Variants in STK24 observed in about 807,000 individuals in gnomAD.
STK24 encodes serine/threonine kinase 24.
A neutral mutation model predicts 55.6 loss-of-function variants in STK24; 21 were observed. The observed-to-expected ratio is 0.38, with a 90% CI of 0.27 to 0.54. STK24 has a LOEUF of 0.54. STK24 is among the 20% of genes least tolerant of loss of function. The pLI is 0.79. For missense variants in STK24, 383 were observed against 538.4 expected (o/e 0.71, Z 2.86); for synonymous variants, 200 against 215.2 (o/e 0.93, Z 0.62).
intron 2 of STK24, among the ~76,000 whole-genome samples, chr13:98,491,979 AT>A (rs1199696987): frequency 6.6e-6 from 1 of 151,972 alleles, no homozygotes; most frequent in Non-Finnish European, 1.5e-5. Flanking sequence ...AATTTCAATA[AT>A]TTATTAATAA....
At chr13:98,493,820 G>A (rs1222977297) in intron 2 of STK24, among the ~76,000 whole-genome samples, 2 of 151,174 alleles carry the variant, frequency 1.3e-5, no homozygotes, top group Non-Finnish European at 2.9e-5. Context: ...AAGACTTAAC[G>A]GTATTCTGCA....
intron 1 of STK24, among the ~76,000 whole-genome samples, chr13:98,541,887 G>C (rs909662060): frequency 1.3e-5 from 2 of 152,218 alleles, no homozygotes; most frequent in African/African-American, 4.8e-5. Flanking sequence ...ATGTGGAATA[G>C]AGTGAGCAAT....
intron 1 of STK24, among the ~76,000 whole-genome samples, chr13:98,544,221 G>A (rs1464615070): frequency 2.6e-5 from 4 of 152,200 alleles, no homozygotes; most frequent in African/African-American, 9.7e-5. Flanking sequence ...AGGCTGAGGC[G>A]ACAACTGAGA....
chr13:98,480,270 C>A (rs1180271912), intron 3 of STK24, among the ~76,000 whole-genome samples: 2 of 152,200 alleles, frequency 1.3e-5, no homozygotes, highest in African/African-American at 4.8e-5. Flanking sequence ...ATTATTATAT[C>A]ATTAAATATG....
chr13:98,446,228 G>A lies in STK24; in HGVS notation c.*6945C>T. On this transcript the variant is annotated 3_prime_UTR_variant, in exon 11 of 11. Transcript: ENST00000539966. ...CAGGTAAGTGTCTCGCACAGGGCAG[G>A]TGGCCCTGGGACCTTGGGGGTGGCA... The A allele has an allele frequency of 2.0e-6, 3 of 1,518,934 alleles. No homozygotes were observed. The highest frequency in any genetic ancestry group is 2.7e-6 in the Non-Finnish European group (3 of 1,094,862). The allele number at this position is 1,518,934 out of a possible 1,614,324, so 94.1% of individuals were successfully genotyped here. A position where few individuals can be genotyped will look rare whatever the true frequency, so the allele number is the denominator to read the frequency against.
intron 1 of STK24, among the ~76,000 whole-genome samples, chr13:98,556,265 T>G (rs1047339883): frequency 6.6e-6 from 1 of 152,208 alleles, no homozygotes; most frequent in Non-Finnish European, 1.5e-5. Flanking sequence ...CGCTCAGCAT[T>G]GCCTAAGAAC....
chr13:98,448,282 C>G lies in STK24; in HGVS notation c.*4891G>C, dbSNP rs1892987656. On this transcript the variant is annotated 3_prime_UTR_variant, in exon 11 of 11. Coordinates refer to ENST00000539966, the MANE Select transcript of STK24 (RefSeq NM_001032296.4). ...TGCCACCAGCTCTGCCTCGCGACCCCACGTGTTGAGTCACAAAGAGTCTCT... is the reference window on the plus strand; with the variant it reads ...TGCCACCAGCTCTGCCTCGCGACCCGACGTGTTGAGTCACAAAGAGTCTCT... The G allele has an allele frequency of 6.2e-7, 1 of 1,614,042 alleles. No individual in the cohort carries two copies. Among genetic ancestry groups the G allele is most frequent in the Non-Finnish European group, 8.5e-7 (1 of 1,179,980 alleles).
chr13:98,478,785 G>A (rs1257921765), intron 3 of STK24, among the ~76,000 whole-genome samples: 1 of 151,744 alleles, frequency 6.6e-6, no homozygotes, highest in Non-Finnish European at 1.5e-5. Context: ...TTCCAAGGTT[G>A]TCCCTCGGAT....
At chr13:98,467,108 T>G (rs1429591919) in intron 5 of STK24, among the ~76,000 whole-genome samples, 2 of 151,602 alleles carry the variant, frequency 1.3e-5, no homozygotes, top group Non-Finnish European at 2.9e-5. Flanking sequence ...CCATGTAAGG[T>G]GCCTTACCAG....
chr13:98,503,691 G>C (rs1183788757), intron 2 of STK24, among the ~76,000 whole-genome samples: 1 of 152,234 alleles, frequency 6.6e-6, no homozygotes, highest in East Asian at 1.9e-4. Context: ...GCTTCCAAGT[G>C]TGACTGTGAG....
chr13:98,572,756 A>G (rs907557069), intron 1 of STK24, among the ~76,000 whole-genome samples: 6 of 152,260 alleles, frequency 3.9e-5, no homozygotes, highest in African/African-American at 7.2e-5. Flanking sequence ...CCTCTAAATT[A>G]TCTGTATTTT....
intron 2 of STK24, among the ~76,000 whole-genome samples, chr13:98,482,729 C>G (rs1894643452): frequency 6.6e-6 from 1 of 152,194 alleles, no homozygotes; most frequent in Non-Finnish European, 1.5e-5. Flanking sequence ...AGTGCCAAGG[C>G]AAGACCCTCT....
intron 1 of STK24, among the ~76,000 whole-genome samples, chr13:98,549,780 A>G (rs1302282037): frequency 6.6e-6 from 1 of 152,214 alleles, no homozygotes; most frequent in Non-Finnish European, 1.5e-5. Flanking sequence ...GAACAGCCTG[A>G]GACAGGCACT....
At chr13:98,522,737 C>T (rs1896307165) in intron 1 of STK24, among the ~76,000 whole-genome samples, 1 of 152,212 alleles carries the variant, frequency 6.6e-6, no homozygotes, top group African/African-American at 2.4e-5. Flanking sequence ...CGCACCTCTA[C>T]ACCCCTGTGC....
In STK24 at chr13:98,460,439, A is replaced by G; in HGVS notation, c.1055T>C (p.Met352Thr). 6.2e-7 allele frequency: 1 copy of G among 1,612,816 alleles called. No homozygotes were observed. The highest frequency in any genetic ancestry group is 8.5e-7 in the Non-Finnish European group (1 of 1,179,144). ...LQPSDLDRNKMKDIPKRPFSQ... is the reference protein window; with the variant it reads ...LQPSDLDRNKTKDIPKRPFSQ... ...GAAAGGCCTCTTCGGGATGTCTTTCATCTTGGGGGAGAGGGAAAAAAAGGT... is the reference window on the plus strand; with the variant it reads ...GAAAGGCCTCTTCGGGATGTCTTTCGTCTTGGGGGAGAGGGAAAAAAAGGT... Residue 352 changes from methionine (M) to threonine (T), a missense_variant and splice_region_variant, in exon 9 of 11, where the codon ATG becomes ACG. Coordinates refer to ENST00000539966, the MANE Select transcript of STK24 (RefSeq NM_001032296.4).
intron 7 of STK24, among the ~76,000 whole-genome samples, chr13:98,462,553 C>T (rs1464259887): frequency 6.6e-6 from 1 of 152,120 alleles, no homozygotes; most frequent in Non-Finnish European, 1.5e-5. Flanking sequence ...CCATACCTCT[C>T]CCCTCTCACT....
At chr13:98,499,992 G>C (rs1200019884) in intron 2 of STK24, among the ~76,000 whole-genome samples, 2 of 152,120 alleles carry the variant, frequency 1.3e-5, no homozygotes, top group African/African-American at 4.8e-5. Context: ...CTACTGCAGG[G>C]TTCAGCTCCT....
intron 2 of STK24, among the ~76,000 whole-genome samples, 169 bp downstream of exon 2, chr13:98,519,074 T>C (rs1455373623): frequency 6.6e-6 from 1 of 152,222 alleles, no homozygotes; most frequent in Non-Finnish European, 1.5e-5. Context: ...ATAGGAGACA[T>C]TTGAGATGAT....
chr13:98,496,414 G>A (rs777651378), intron 2 of STK24, among the ~76,000 whole-genome samples: 4 of 152,200 alleles, frequency 2.6e-5, no homozygotes, highest in Non-Finnish European at 5.9e-5. Flanking sequence ...AAAGGAGGGC[G>A]TGAGGCTACT....
Sources: gnomAD v4.1 joint callset for allele counts (sites outside exome capture counted in the v4.1 genomes callset) on GRCh38, gnomAD v4.1.1 for gene constraint, MANE v1.5 for transcripts, NCBI Gene and HGNC (gene_info 2026-07-23, HGNC 2026-07-21) for gene names.